The following SPRED1 variants were observed in gnomAD, a reference collection of about 807,000 sequenced individuals.
SPRED1 encodes the protein sprouty-related, EVH1 domain-containing protein 1.
In SPRED1, 18 loss-of-function variants were observed where a neutral mutation model predicts 52.3. That is an observed-to-expected ratio of 0.34 (90% CI 0.24 to 0.51). SPRED1 has a LOEUF of 0.51. Among genes scored for constraint, SPRED1 ranks in the 20% least tolerant of loss-of-function variants. The pLI is 0.97. For synonymous variants in SPRED1, 155 were observed against 179.7 expected, an observed-to-expected ratio of 0.86 and a Z score of 1.10; for missense variants, 485 against 551.0, an observed-to-expected ratio of 0.88 and a Z score of 1.20.
chr15:38,333,113 G>A (rs560081879), intron 4 of SPRED1, among the ~76,000 whole-genome samples: 12 of 152,140 alleles, frequency 7.9e-5, no homozygotes, highest in South Asian at 2.1e-4. Context: ...ACAAACATTC[G>A]GAGTATAGCA....
At chr15:38,306,301 G>A (rs1895248759) in intron 2 of SPRED1, among the ~76,000 whole-genome samples, 1 of 152,092 alleles carries the variant, frequency 6.6e-6, no homozygotes, top group African/African-American at 2.4e-5. Flanking sequence ...GCACTATATA[G>A]ATAGCATATT....
chr15:38,302,351 T>G lies in SPRED1; in HGVS notation c.207+2804T>G, dbSNP rs1319131174. On this transcript the variant is annotated intron_variant, in intron 2 of 6. Transcript: ENST00000299084. ...TACTAAAAATAAGTCTTGTTACGATTCCCAGAAAGTTATATACTTTACTGT... is the reference window on the plus strand; with the variant it reads ...TACTAAAAATAAGTCTTGTTACGATGCCCAGAAAGTTATATACTTTACTGT... Among the ~76,000 whole-genome samples the G allele has an allele frequency of 1.3e-5, 2 of 152,192 alleles. No homozygotes were observed. Among genetic ancestry groups the G allele is most frequent in the African/African-American group, 4.8e-5 (2 of 41,458 alleles).
At chr15:38,299,345 T>C (rs1446848420) in intron 1 of SPRED1, 28 bp from the exon 2 acceptor site, 1 of 1,613,302 alleles carries the variant, frequency 6.2e-7, no homozygotes, top group Non-Finnish European at 8.5e-7. Context: ...ATGGAAAAGC[T>C]AATTCCTGAT....
intron 1 of SPRED1, among the ~76,000 whole-genome samples, chr15:38,287,425 A>AT (rs1470013485): frequency 6.6e-6 from 1 of 152,116 alleles, no homozygotes; most frequent in Non-Finnish European, 1.5e-5. Flanking sequence ...TTTGATCAAA[A>AT]TGTGTTTTTT....
intron 1 of SPRED1, among the ~76,000 whole-genome samples, chr15:38,264,699 A>G (rs1001684281): frequency 2.0e-5 from 3 of 152,160 alleles, no homozygotes; most frequent in Non-Finnish European, 4.4e-5. Context: ...GAGTGCTGGT[A>G]TCACTGTTGC....
rs1297220504 is a variant in SPRED1 at position 38,353,463 on chromosome 15, T to C, written c.*1799T>C. On this transcript the variant is annotated 3_prime_UTR_variant, in exon 7 of 7. Coordinates refer to ENST00000299084, the MANE Select transcript of SPRED1 (RefSeq NM_152594.3). ...AATATATTGATAACTATAGATGTTATGAAGAAGAGGGTATTTCTAGTTTTG... is the reference window on the plus strand; with the variant it reads ...AATATATTGATAACTATAGATGTTACGAAGAAGAGGGTATTTCTAGTTTTG... 2.6e-5 allele frequency: 4 copies of C among 152,556 alleles called. No homozygotes were observed. Among genetic ancestry groups the C allele is most frequent in the African/African-American group, 9.6e-5 (4 of 41,456 alleles). 9.5% of individuals were successfully genotyped at this position (152,556 alleles called of 1,614,324 possible). A position where few individuals can be genotyped will look rare whatever the true frequency, so the allele number is the denominator to read the frequency against.
At chr15:38,284,577 C>T (rs1894764795) in intron 1 of SPRED1, among the ~76,000 whole-genome samples, 1 of 152,038 alleles carries the variant, frequency 6.6e-6, no homozygotes, top group Non-Finnish European at 1.5e-5. Flanking sequence ...TAATTTCTGA[C>T]TTTAGTGGAA....
rs1488376043 is a variant in SPRED1, at chr15:38,352,108, T to C, written c.*444T>C. ...TGGGAATTACAAGAAGTAAAACAAG[T>C]GCAACTAAATCATTTATTAGTTGTT... On this transcript the variant is annotated 3_prime_UTR_variant, in exon 7 of 7. Transcript: ENST00000299084. 1.2e-5 allele frequency: 2 copies of C among 173,280 alleles called. No homozygotes were observed. Among genetic ancestry groups the C allele is most frequent in the Non-Finnish European group, 2.5e-5 (2 of 80,794 alleles). 10.7% of individuals were successfully genotyped at this position (173,280 alleles called of 1,614,324 possible).
At chr15:38,265,298 T>C (rs1199904616) in intron 1 of SPRED1, among the ~76,000 whole-genome samples, 1 of 152,166 alleles carries the variant, frequency 6.6e-6, no homozygotes, top group Admixed American at 6.5e-5. Context: ...AATAACATTT[T>C]TTGATTAGAG....
intron 1 of SPRED1, among the ~76,000 whole-genome samples, chr15:38,294,741 C>G (rs1257197777): frequency 1.3e-5 from 2 of 152,164 alleles, no homozygotes; most frequent in Non-Finnish European, 2.9e-5. Flanking sequence ...GGAAACTGAT[C>G]TGAGCAAGAG....
chr15:38,296,817 A>G (rs1244450352), intron 1 of SPRED1, among the ~76,000 whole-genome samples: 1 of 152,204 alleles, frequency 6.6e-6, no homozygotes, highest in Non-Finnish European at 1.5e-5. Flanking sequence ...TTGAAATTTA[A>G]ACTCCAGTGC....
chr15:38,322,188 A>C, intron 2 of SPRED1, 53 bp from the exon 3 acceptor site: 1 of 1,538,220 alleles, frequency 6.5e-7, no homozygotes, highest in South Asian at 1.1e-5. Flanking sequence ...TATGAGCTAC[A>C]TTAGATGCAT....
intron 4 of SPRED1, among the ~76,000 whole-genome samples, chr15:38,325,290 G>C (rs1895692339): frequency 6.6e-6 from 1 of 152,114 alleles, no homozygotes; most frequent in Non-Finnish European, 1.5e-5. Flanking sequence ...CAGCCTGTGT[G>C]TTATAAGGTG....
Position 38,351,165 on chromosome 15 carries a change from G to C in SPRED1, c.836G>C (p.Ser279Thr). 1 of 1,614,054 alleles carries C rather than the reference G, an allele frequency of 6.2e-7. No homozygotes were observed. Among genetic ancestry groups the C allele is most frequent in the South Asian group, 1.1e-5 (1 of 91,080 alleles). The change falls in exon 7 of 7, where the codon AGT becomes ACT. Residue 279 changes from serine (S) to threonine (T), a missense_variant. Coordinates refer to ENST00000299084, the MANE Select transcript of SPRED1 (RefSeq NM_152594.3). ...TTGGAAAGAGATGATGCTGATTCCAGTATTCAGTTTTCTAAACCAGACAGT... is the reference window on the plus strand; with the variant it reads ...TTGGAAAGAGATGATGCTGATTCCACTATTCAGTTTTCTAAACCAGACAGT... ...NDLERDDADS[S>T]IQFSKPDSKK...
chr15:38,347,281 C>T (rs1896157762), intron 5 of SPRED1, among the ~76,000 whole-genome samples: 1 of 151,982 alleles, frequency 6.6e-6, no homozygotes, highest in Non-Finnish European at 1.5e-5. Flanking sequence ...GGAGCCTTTC[C>T]CCGCACTGAT....
chr15:38,298,187 T>A (rs1221393742), intron 1 of SPRED1, among the ~76,000 whole-genome samples: 2 of 152,096 alleles, frequency 1.3e-5, no homozygotes, highest in Admixed American at 6.6e-5. Flanking sequence ...ATACAATGAG[T>A]AAAGTTAAGA....
At chr15:38,271,395 A>G (rs891943152) in intron 1 of SPRED1, among the ~76,000 whole-genome samples, 1 of 152,228 alleles carries the variant, frequency 6.6e-6, no homozygotes, top group African/African-American at 2.4e-5. Context: ...ATTTCTTAGT[A>G]GTCACATTTA....
intron 2 of SPRED1, among the ~76,000 whole-genome samples, chr15:38,314,051 A>T (rs1323811855): frequency 6.6e-6 from 1 of 151,864 alleles, no homozygotes; most frequent in Non-Finnish European, 1.5e-5. Flanking sequence ...ATGTTTAGAG[A>T]TGATAGCCTA....
intron 1 of SPRED1, among the ~76,000 whole-genome samples, chr15:38,281,243 C>G (rs1406037658): frequency 6.6e-6 from 1 of 152,166 alleles, no homozygotes; most frequent in Non-Finnish European, 1.5e-5. Flanking sequence ...ATGGAATGGA[C>G]TATCTTGTGA....
Sources: allele counts gnomAD v4.1 joint callset (sites outside exome capture counted in the v4.1 genomes callset), GRCh38; gene constraint gnomAD v4.1.1; transcripts MANE v1.5; gene names NCBI Gene and HGNC (gene_info 2026-07-23, HGNC 2026-07-21).